GOLGA7B: variants seen among roughly 807,000 people sequenced by gnomAD.
The protein encoded by GOLGA7B is golgin A7 family member B.
GOLGA7B carries 17 observed loss-of-function variants against 21.5 expected under a neutral mutation model. The ratio of observed to expected loss-of-function variants is 0.79; its 90% CI spans 0.54 to 1.19. The LOEUF is 1.19. Among genes scored for constraint, GOLGA7B ranks in the 50% most tolerant of loss-of-function variants. The probability of loss-of-function intolerance (pLI) is 0.00; values close to 1 mark genes in which losing one functional copy is unlikely to be tolerated. For missense variants in GOLGA7B, 169 were observed against 224.4 expected, an observed-to-expected ratio of 0.75 and a Z score of 1.58; for synonymous variants, 87 against 84.0, an observed-to-expected ratio of 1.04 and a Z score of -0.19.
Position 97,866,069 on chromosome 10 carries a change from G to A in GOLGA7B, c.*369G>A, listed in dbSNP as rs1010206813. 29 of 255,818 alleles carry A rather than the reference G, an allele frequency of 1.1e-4. No individual in the cohort carries two copies. Among genetic ancestry groups the A allele is most frequent in the African/African-American group, 6.1e-4 (28 of 45,782 alleles). 15.8% of individuals were successfully genotyped at this position (255,818 alleles called of 1,614,324 possible). Reference sequence around the variant, plus strand: ...GAGGGGGGCCGAGGCCTGCCACATAGAGGACTCCCACACTGCATGACCCCT... The same window carrying A: ...GAGGGGGGCCGAGGCCTGCCACATAAAGGACTCCCACACTGCATGACCCCT... On this transcript the variant is annotated 3_prime_UTR_variant, in exon 5 of 5. Coordinates refer to ENST00000370602, the MANE Select transcript of GOLGA7B (RefSeq NM_001010917.3).
rs1204521299 is a variant in GOLGA7B, at chr10:97,849,893, C to T, written c.-411C>T. The T allele has an allele frequency of 6.6e-6, 1 of 151,790 alleles. No individual in the cohort carries two copies. The highest frequency in any genetic ancestry group is 1.5e-5 in the Non-Finnish European group (1 of 67,894). The allele number at this position is 151,790 out of a possible 1,614,324, so 9.4% of individuals were successfully genotyped here. A position where few individuals can be genotyped will look rare whatever the true frequency, so the allele number is the denominator to read the frequency against. On this transcript the variant is annotated 5_prime_UTR_variant, in exon 1 of 5. Transcript: ENST00000370602. ...GGGCGGGGCTCCTCTCCGGCGGCGC[C>T]GGAGTCTGGGGGCCGCGGCTTCCCC...
Position 97,861,421 on chromosome 10 carries a change from T to C in GOLGA7B, c.138+1838T>C, listed in dbSNP as rs144354745. On this transcript the variant is annotated intron_variant, in intron 2 of 4. Coordinates refer to ENST00000370602, the MANE Select transcript of GOLGA7B (RefSeq NM_001010917.3). ...AGAGCTGCAGGCTGCTTTTCCCTTC[T>C]CCTTGCCTCAGGCAAAGGGGAGAGC... 5.3e-4 allele frequency among the ~76,000 whole-genome samples: 80 copies of C among 152,348 alleles called. No individual in the cohort carries two copies. In the East Asian group the frequency reaches 0.014, roughly 26 times the overall value.
At position 97,849,903 on chromosome 10, in the gene GOLGA7B, G is replaced by A. The variant is rs1029330310; in HGVS notation, c.-401G>A. On this transcript the variant is annotated 5_prime_UTR_variant, in exon 1 of 5. Transcript: ENST00000370602. ...CCTCTCCGGCGGCGCCGGAGTCTGGGGGCCGCGGCTTCCCCCTCCCGGCCA... is the reference window on the plus strand; with the variant it reads ...CCTCTCCGGCGGCGCCGGAGTCTGGAGGCCGCGGCTTCCCCCTCCCGGCCA... 51 of 151,890 alleles carry A rather than the reference G, an allele frequency of 3.4e-4. No individual in the cohort carries two copies. The highest frequency in any genetic ancestry group is 7.1e-4 in the Non-Finnish European group (48 of 67,952). 9.4% of individuals were successfully genotyped at this position (151,890 alleles called of 1,614,324 possible).
chr10:97,859,414 A>G (rs772210529), intron 1 of GOLGA7B, 44 bp from the exon 2 acceptor site: 2 of 1,603,724 alleles, frequency 1.2e-6, no homozygotes, highest in South Asian at 1.1e-5. Context: ...ATATGCCGAG[A>G]TGGATGGTCA....
At chr10:97,852,686 G>A (rs1212091583) in intron 1 of GOLGA7B, among the ~76,000 whole-genome samples, 1 of 151,494 alleles carries the variant, frequency 6.6e-6, no homozygotes, top group African/African-American at 2.4e-5. Context: ...TGTATTGAGA[G>A]AAGGAGAGAG....
At chr10:97,863,865 C>T in intron 2 of GOLGA7B, 65 bp from the exon 3 acceptor site, 2 of 1,512,368 alleles carry the variant, frequency 1.3e-6, no homozygotes, top group Non-Finnish European at 1.8e-6. Flanking sequence ...TCACTTCCAG[C>T]CCTACCTGTG....
chr10:97,857,332 G>T (rs2049941618), intron 1 of GOLGA7B, among the ~76,000 whole-genome samples: 1 of 150,080 alleles, frequency 6.7e-6, no homozygotes, highest in African/African-American at 2.5e-5. Flanking sequence ...TGAATAGGGA[G>T]TCCTTTCCCC....
Position 97,859,007 on chromosome 10 carries a change from T to TGC in GOLGA7B, c.13-450_13-449dup, listed in dbSNP as rs1379533838. Among the ~76,000 whole-genome samples the TGC allele has an allele frequency of 1.5e-3, 233 of 152,304 alleles. 2 individuals are homozygous for TGC. Among genetic ancestry groups the TGC allele is most frequent in the African/African-American group, 5.3e-3 (220 of 41,552 alleles). The stretch of plus-strand genomic sequence containing the variant: ...AGGTTCTTCTGTGTGTGTGTGTGTG[T>TGC]GCACGTGCACGTGCGAGAGAGACTC... On this transcript the variant is annotated intron_variant, in intron 1 of 4. Transcript: ENST00000370602.
chr10:97,859,829 T>C (rs1241836103), intron 2 of GOLGA7B, among the ~76,000 whole-genome samples: 1 of 152,230 alleles, frequency 6.6e-6, no homozygotes, highest in Non-Finnish European at 1.5e-5. Context: ...GCTCTCAAGT[T>C]TCAGTTGCCT....
intron 1 of GOLGA7B, among the ~76,000 whole-genome samples, chr10:97,857,688 C>G (rs1372519108): frequency 6.6e-6 from 1 of 152,122 alleles, no homozygotes; most frequent in Non-Finnish European, 1.5e-5. Context: ...AAGAACAATC[C>G]TATGCAAAGA....
At chr10:97,863,346 T>C (rs1564866715) in intron 2 of GOLGA7B, among the ~76,000 whole-genome samples, 1 of 152,216 alleles carries the variant, frequency 6.6e-6, no homozygotes, top group Non-Finnish European at 1.5e-5. Flanking sequence ...ATTCCTATTA[T>C]GGATACGGGC....
At chr10:97,859,021 C>G (rs183698603) in intron 1 of GOLGA7B, among the ~76,000 whole-genome samples, 1 of 152,146 alleles carries the variant, frequency 6.6e-6, no homozygotes, top group Non-Finnish European at 1.5e-5. Context: ...CGTGCACGTG[C>G]GAGAGAGACT....
At position 97,868,549 on chromosome 10, in the gene GOLGA7B, T is replaced by C. The variant is rs2136524976; in HGVS notation, c.*2849T>C. 1 of 152,350 alleles carries C rather than the reference T, an allele frequency of 6.6e-6. No individual in the cohort carries two copies. Among genetic ancestry groups the C allele is most frequent in the Admixed American group, 6.5e-5 (1 of 15,308 alleles). 9.4% of individuals were successfully genotyped at this position (152,350 alleles called of 1,614,324 possible). The stretch of plus-strand genomic sequence containing the variant: ...GGCAGTCCCCTCTGGGTGGTTCTCA[T>C]GTTTGTTGTCACTGCCGCTAAGGGC... On this transcript the variant is annotated 3_prime_UTR_variant, in exon 5 of 5. Coordinates refer to ENST00000370602, the MANE Select transcript of GOLGA7B (RefSeq NM_001010917.3).
intron 1 of GOLGA7B, among the ~76,000 whole-genome samples, chr10:97,855,850 C>T (rs1394503697): frequency 6.6e-6 from 1 of 152,152 alleles, no homozygotes; most frequent in East Asian, 1.9e-4. Flanking sequence ...TTAGAGGAAT[C>T]AACTCATATA....
chr10:97,850,680 C>G (rs1403178535), intron 1 of GOLGA7B, among the ~76,000 whole-genome samples: 1 of 152,170 alleles, frequency 6.6e-6, no homozygotes, highest in African/African-American at 2.4e-5. Context: ...AGGCGGCTGT[C>G]CGCTGTTGCT....
At chr10:97,854,815 T>C (rs2049925060) in intron 1 of GOLGA7B, among the ~76,000 whole-genome samples, 1 of 152,198 alleles carries the variant, frequency 6.6e-6, no homozygotes, top group Non-Finnish European at 1.5e-5. Context: ...CTCAGTGAAG[T>C]TCCAGGTAAG....
intron 1 of GOLGA7B, among the ~76,000 whole-genome samples, chr10:97,857,956 T>C (rs2049946647): frequency 6.6e-6 from 1 of 152,238 alleles, no homozygotes; most frequent in South Asian, 2.1e-4. Context: ...TCTTTCCTGC[T>C]TCTTGTGATC....
chr10:97,866,472 C>T lies in GOLGA7B; in HGVS notation c.*772C>T, dbSNP rs1054260037. 1.3e-5 allele frequency: 2 copies of T among 152,212 alleles called. No homozygotes were observed. Among genetic ancestry groups the T allele is most frequent in the African/African-American group, 4.8e-5 (2 of 41,440 alleles). The allele number at this position is 152,212 out of a possible 1,614,324, so 9.4% of individuals were successfully genotyped here. On this transcript the variant is annotated 3_prime_UTR_variant, in exon 5 of 5. Transcript: ENST00000370602. The stretch of plus-strand genomic sequence containing the variant: ...ACATAGCCATGCGGGGCCTGAATCT[C>T]CTGAACTACAGCCAGTTTCCTGAGA...
intron 1 of GOLGA7B, among the ~76,000 whole-genome samples, chr10:97,857,726 T>C (rs1173577324): frequency 6.6e-6 from 1 of 152,160 alleles, no homozygotes; most frequent in Non-Finnish European, 1.5e-5. Context: ...ACAAATTACA[T>C]TGCCTGACGT....
Sources: allele counts gnomAD v4.1 joint callset (sites outside exome capture counted in the v4.1 genomes callset), GRCh38; gene constraint gnomAD v4.1.1; transcripts MANE v1.5; gene names NCBI Gene and HGNC (gene_info 2026-07-23, HGNC 2026-07-21).